Variants in PDE5A observed in about 807,000 individuals in gnomAD.
The protein encoded by PDE5A is cGMP-specific 3',5'-cyclic phosphodiesterase.
Under a neutral mutation model 110.2 loss-of-function variants are expected in PDE5A, and 67 were observed. The ratio of observed to expected loss-of-function variants is 0.61; its 90% CI spans 0.50 to 0.75. The LOEUF (loss-of-function observed/expected upper bound fraction) is 0.75, where lower values mean the gene tolerates loss of function less well. PDE5A is among the 30% of genes least tolerant of loss of function. The pLI, the probability that PDE5A is intolerant of heterozygous loss-of-function variation, is 0.00. For synonymous variants in PDE5A, 328 were observed against 351.2 expected (o/e 0.93, Z 0.74); for missense variants, 862 against 1,045.1 (o/e 0.82, Z 2.42).
At chr4:119,585,486 T>G (rs1168181230) in intron 3 of PDE5A, among the ~76,000 whole-genome samples, 1 of 152,198 alleles carries the variant, frequency 6.6e-6, no homozygotes, top group Non-Finnish European at 1.5e-5. Context: ...CACAACATTT[T>G]TTAGTACATG....
At chr4:119,600,159 C>G (rs1729292944) in intron 2 of PDE5A, among the ~76,000 whole-genome samples, 1 of 151,086 alleles carries the variant, frequency 6.6e-6, no homozygotes, top group South Asian at 2.1e-4. Context: ...CTAGAAAGAG[C>G]TAGAAATGTG....
chr4:119,610,930 T>A (rs10050092), intron 1 of PDE5A, among the ~76,000 whole-genome samples: 1 of 151,936 alleles, frequency 6.6e-6, no homozygotes, highest in African/African-American at 2.4e-5. Flanking sequence ...ACAGTAAATT[T>A]TCAGCAAAGT....
At chr4:119,560,248 C>A (rs1727699810) in intron 7 of PDE5A, 48 bp downstream of exon 7, 2 of 1,028,214 alleles carry the variant, frequency 1.9e-6, no homozygotes, top group Non-Finnish European at 2.9e-6. Flanking sequence ...ACTATTTAGC[C>A]AATATTATAT....
At chr4:119,606,370 G>T (rs1470223779) in intron 2 of PDE5A, among the ~76,000 whole-genome samples, 1 of 151,762 alleles carries the variant, frequency 6.6e-6, no homozygotes, top group Non-Finnish European at 1.5e-5. Context: ...GTTCATGTGG[G>T]GATAACATAG....
chr4:119,508,441 G>A (rs1311289913), intron 15 of PDE5A, among the ~76,000 whole-genome samples: 1 of 151,932 alleles, frequency 6.6e-6, no homozygotes, highest in Admixed American at 6.6e-5. Context: ...AACAACATCT[G>A]TAAGTTGAGT....
At chr4:119,578,140 G>A (rs1309946839) in intron 3 of PDE5A, among the ~76,000 whole-genome samples, 1 of 152,054 alleles carries the variant, frequency 6.6e-6, no homozygotes, top group African/African-American at 2.4e-5. Flanking sequence ...GGGATGTGAA[G>A]GACCTCTTCA....
chr4:119,582,212 T>C (rs1246225835), intron 3 of PDE5A, among the ~76,000 whole-genome samples: 1 of 152,250 alleles, frequency 6.6e-6, no homozygotes, highest in Non-Finnish European at 1.5e-5. Context: ...TGTAATATTC[T>C]AAATCCTTTG....
chr4:119,535,056 A>G (rs1472064981), intron 11 of PDE5A, among the ~76,000 whole-genome samples: 1 of 152,202 alleles, frequency 6.6e-6, no homozygotes, highest in Non-Finnish European at 1.5e-5. Flanking sequence ...CTAACAAGAA[A>G]GGAAGGTTGC....
chr4:119,613,429 T>C lies in PDE5A; in HGVS notation c.153-6132A>G, dbSNP rs368695557. ...ACAGAGATTTCCACAAGGTACTATA[T>C]TGGGCACCAGGGACAGAATAATGAG... On this transcript the variant is annotated intron_variant, in intron 1 of 20. Coordinates refer to ENST00000354960, the MANE Select transcript of PDE5A (RefSeq NM_001083.4). 3.9e-5 allele frequency among the ~76,000 whole-genome samples: 6 copies of C among 152,300 alleles called. No homozygotes were observed. The East Asian group carries it at 5.8e-4, about 15-fold the overall frequency.
intron 6 of PDE5A, among the ~76,000 whole-genome samples, chr4:119,562,459 G>A (rs150004372): frequency 2.0e-5 from 3 of 152,010 alleles, no homozygotes; most frequent in Non-Finnish European, 4.4e-5. Context: ...TGGTCTGCCT[G>A]TTCATAGCAA....
intron 11 of PDE5A, 136 bp downstream of exon 11, chr4:119,538,824 T>C (rs1726819615): frequency 2.7e-6 from 2 of 733,854 alleles, no homozygotes; most frequent in South Asian, 3.0e-5. Flanking sequence ...TGCTTTGTAT[T>C]ATCAGTGACT....
At chr4:119,592,870 C>G (rs747603096) in intron 3 of PDE5A, among the ~76,000 whole-genome samples, 17 of 151,998 alleles carry the variant, frequency 1.1e-4, no homozygotes, top group Non-Finnish European at 2.1e-4. Context: ...TGTGAGAGCA[C>G]AGAGAGAGAC....
chr4:119,618,040 A>G (rs911470146), intron 1 of PDE5A, among the ~76,000 whole-genome samples: 1 of 152,174 alleles, frequency 6.6e-6, no homozygotes, highest in African/African-American at 2.4e-5. Flanking sequence ...CTTTGCTTGC[A>G]TTAATATTGA....
At chr4:119,581,329 G>T (rs1728581204) in intron 3 of PDE5A, among the ~76,000 whole-genome samples, 2 of 152,184 alleles carry the variant, frequency 1.3e-5, no homozygotes, top group South Asian at 4.1e-4. Flanking sequence ...CTAAGTGTCT[G>T]GATCACTGCT....
At chr4:119,567,390 T>G (rs1173961316) in intron 3 of PDE5A, among the ~76,000 whole-genome samples, 1 of 152,224 alleles carries the variant, frequency 6.6e-6, no homozygotes, top group Admixed American at 6.5e-5. Context: ...TCCTGTGATT[T>G]CACCCTGCAT....
intron 7 of PDE5A, among the ~76,000 whole-genome samples, chr4:119,555,042 C>T (rs533916347): frequency 2.6e-5 from 4 of 152,170 alleles, no homozygotes; most frequent in Non-Finnish European, 2.9e-5. Context: ...CCTTCCCACC[C>T]AACCTGACCC....
chr4:119,555,595 C>T (rs892965561), intron 7 of PDE5A, among the ~76,000 whole-genome samples: 1 of 151,960 alleles, frequency 6.6e-6, no homozygotes, highest in Non-Finnish European at 1.5e-5. Flanking sequence ...CTTGTAAAAT[C>T]TCTTTTAAAA....
At chr4:119,524,004 A>C (rs560612350) in intron 12 of PDE5A, among the ~76,000 whole-genome samples, 1 of 152,244 alleles carries the variant, frequency 6.6e-6, no homozygotes, top group East Asian at 1.9e-4. Flanking sequence ...TACTATTGAG[A>C]AATTTGATGA....
chr4:119,586,049 A>T (rs1315863701), intron 3 of PDE5A, among the ~76,000 whole-genome samples: 1 of 152,144 alleles, frequency 6.6e-6, no homozygotes, highest in African/African-American at 2.4e-5. Flanking sequence ...TTGCTAAGCC[A>T]CTCCAGAATT....
Sources: allele counts gnomAD v4.1 joint callset (sites outside exome capture counted in the v4.1 genomes callset), GRCh38; gene constraint gnomAD v4.1.1; transcripts MANE v1.5; gene names NCBI Gene and HGNC (gene_info 2026-07-23, HGNC 2026-07-21).